USP34: variants seen among roughly 807,000 people sequenced by gnomAD.
The protein encoded by USP34 is ubiquitin carboxyl-terminal hydrolase 34.
A neutral mutation model predicts 460.3 loss-of-function variants in USP34; 70 were observed. The ratio of observed to expected loss-of-function variants is 0.15; its 90% confidence interval spans 0.13 to 0.19. The LOEUF (loss-of-function observed/expected upper bound fraction) is 0.19. Ranked by LOEUF, USP34 falls within the 10% of genes least tolerant of loss-of-function variation. USP34 has a pLI of 1.00. For synonymous variants in USP34, 1,647 were observed against 1,405.3 expected, an observed-to-expected ratio of 1.17 and a Z score of -3.85; for missense variants, 3,985 against 4,236.2, an observed-to-expected ratio of 0.94 and a Z score of 1.65.
intron 20 of USP34, 142 bp from the exon 21 acceptor site, chr2:61,325,599 AAAG>A (rs1691061610): frequency 2.2e-6 from 1 of 461,502 alleles, no homozygotes; most frequent in Non-Finnish European, 3.7e-6. Flanking sequence ...TGGTTACACG[AAAG>A]AAGTTCATAA....
chr2:61,231,532 GGA>G (rs1558479552), intron 58 of USP34, among the ~76,000 whole-genome samples: 1 of 151,970 alleles, frequency 6.6e-6, no homozygotes, highest in African/African-American at 2.4e-5. Context: ...AGGCAACAGG[GGA>G]GAGACACTCT....
chr2:61,255,673 C>A (rs905023998), intron 48 of USP34, among the ~76,000 whole-genome samples: 1 of 152,134 alleles, frequency 6.6e-6, no homozygotes, highest in Non-Finnish European at 1.5e-5. Flanking sequence ...ACAGAAAATT[C>A]CAAAAATAAA....
chr2:61,425,021 C>A (rs1355127164), intron 1 of USP34, among the ~76,000 whole-genome samples: 1 of 152,006 alleles, frequency 6.6e-6, no homozygotes, highest in Non-Finnish European at 1.5e-5. Flanking sequence ...GGTTTCACCA[C>A]GTTGGCCAGG....
At chr2:61,451,743 G>C (rs1203779386) in intron 1 of USP34, among the ~76,000 whole-genome samples, 5 of 150,644 alleles carry the variant, frequency 3.3e-5, no homozygotes. Flanking sequence ...CAATGGAAAA[G>C]AGAGAAATTC....
At chr2:61,310,396 T>C (rs1024515800) in intron 27 of USP34, among the ~76,000 whole-genome samples, 3 of 152,098 alleles carry the variant, frequency 2.0e-5, no homozygotes, top group Non-Finnish European at 4.4e-5. Flanking sequence ...TATAGTGAAC[T>C]ATGCAGATCT....
At chr2:61,261,733 A>G (rs538285871) in intron 43 of USP34, among the ~76,000 whole-genome samples, 11 of 152,312 alleles carry the variant, frequency 7.2e-5, no homozygotes, top group Admixed American at 1.3e-4. Context: ...AGGGAATAAT[A>G]TAATTAACTG....
chr2:61,269,077 C>G (rs1689138805), intron 41 of USP34, among the ~76,000 whole-genome samples: 1 of 152,074 alleles, frequency 6.6e-6, no homozygotes, highest in African/African-American at 2.4e-5. Flanking sequence ...TTCAAAGATA[C>G]TAATAAATAC....
At chr2:61,460,095 G>C (rs185953184) in intron 1 of USP34, among the ~76,000 whole-genome samples, 1 of 152,064 alleles carries the variant, frequency 6.6e-6, no homozygotes, top group Non-Finnish European at 1.5e-5. Flanking sequence ...TTTTATGTTG[G>C]CTTTTTTTGA....
intron 29 of USP34, 142 bp from the exon 30 acceptor site, chr2:61,297,067 TTA>T (rs1262843284): frequency 3.6e-6 from 4 of 1,104,532 alleles, no homozygotes; most frequent in East Asian, 2.6e-5. Flanking sequence ...GAAACATTTG[TTA>T]TATGATACAT....
chr2:61,391,663 G>T (rs1009769427), intron 5 of USP34, among the ~76,000 whole-genome samples: 3 of 151,958 alleles, frequency 2.0e-5, no homozygotes, highest in Admixed American at 2.0e-4. Context: ...TGCCCACTTC[G>T]CAAGAAAAGG....
intron 37 of USP34, among the ~76,000 whole-genome samples, chr2:61,282,392 G>T (rs1689561234): frequency 1.3e-5 from 2 of 152,218 alleles, no homozygotes; most frequent in Admixed American, 1.3e-4. Context: ...GTAATGCCAA[G>T]ATACAGCTAA....
At chr2:61,342,656 C>A (rs899912665) in intron 16 of USP34, among the ~76,000 whole-genome samples, 4 of 151,816 alleles carry the variant, frequency 2.6e-5, no homozygotes, top group African/African-American at 9.7e-5. Context: ...AGTATCTGAT[C>A]AACACTTTTG....
At chr2:61,330,052 A>T (rs1691212868) in intron 20 of USP34, among the ~76,000 whole-genome samples, 1 of 152,208 alleles carries the variant, frequency 6.6e-6, no homozygotes, top group Non-Finnish European at 1.5e-5. Context: ...TTGTGAAAAG[A>T]CATGGGGTAT....
chr2:61,369,094 G>A (rs780917632), intron 10 of USP34, among the ~76,000 whole-genome samples: 1 of 152,058 alleles, frequency 6.6e-6, no homozygotes, highest in Non-Finnish European at 1.5e-5. Flanking sequence ...TAAAAGAAAC[G>A]CAAATTTAAA....
intron 6 of USP34, among the ~76,000 whole-genome samples, chr2:61,382,814 C>G (rs192587271): frequency 6.6e-5 from 10 of 152,272 alleles, no homozygotes; most frequent in Admixed American, 5.9e-4. Context: ...AACTGTAACC[C>G]ACCCCCTAGA....
rs1333819348 is a variant in USP34 at position 61,245,176 on chromosome 2, C to A, written c.6627+34G>T. 13 of 1,555,936 alleles carry A rather than the reference C, an allele frequency of 8.4e-6. No individual in the cohort carries two copies. In the African/African-American group the frequency reaches 1.8e-4, roughly 21 times the overall value. ...TGATATGACAAAGCACTTGGAAGGA[C>A]ACAAACCATTTATAATTTCTGAATA... On this transcript the variant is annotated intron_variant, in intron 51 of 79. Transcript: ENST00000398571.
chr2:61,470,810 G>C lies in USP34; in HGVS notation c.-118C>G, dbSNP rs2104138082. ...CGGCCGGCCGGCGGGGCGGGGAGGC[G>C]ACTAGGGCGGGCGGCGGCGGGGACG... On this transcript the variant is annotated 5_prime_UTR_variant, in exon 1 of 80. Coordinates refer to ENST00000398571, the MANE Select transcript of USP34 (RefSeq NM_014709.4). The C allele has an allele frequency of 5.3e-6, 3 of 567,978 alleles. No individual in the cohort carries two copies. Among genetic ancestry groups the C allele is most frequent in the Admixed American group, 7.2e-5 (2 of 27,960 alleles). The allele number at this position is 567,978 out of a possible 1,614,324, so 35.2% of individuals were successfully genotyped here.
intron 48 of USP34, among the ~76,000 whole-genome samples, chr2:61,252,307 T>C (rs1315979305): frequency 1.3e-5 from 2 of 152,146 alleles, no homozygotes; most frequent in Non-Finnish European, 2.9e-5. Flanking sequence ...AAAATGGAGA[T>C]TACCTACCCG....
chr2:61,196,785 G>A (rs1009650413), intron 75 of USP34, among the ~76,000 whole-genome samples: 9 of 151,974 alleles, frequency 5.9e-5, no homozygotes, highest in Admixed American at 2.6e-4. Context: ...CAGCTGCCTC[G>A]GTTTTACGGA....
Sources: allele counts gnomAD v4.1 joint callset (sites outside exome capture counted in the v4.1 genomes callset), GRCh38; gene constraint gnomAD v4.1.1; transcripts MANE v1.5; gene names NCBI Gene and HGNC (gene_info 2026-07-23, HGNC 2026-07-21).